ADGRB3: variants seen among roughly 807,000 people sequenced by gnomAD.
ADGRB3 encodes the protein brain-specific angiogenesis inhibitor 3.
In ADGRB3, 37 loss-of-function variants were observed where a neutral mutation model predicts 193.4. The observed-to-expected ratio is 0.19, with a 90% CI of 0.15 to 0.25. The LOEUF is 0.25. Ranked by LOEUF, ADGRB3 falls within the 10% of genes least tolerant of loss-of-function variation. The pLI, the probability that ADGRB3 is intolerant of heterozygous loss-of-function variation, is 1.00. For missense variants in ADGRB3, 1,637 were observed against 1,852.9 expected, an observed-to-expected ratio of 0.88 and a Z score of 2.14; for synonymous variants, 690 against 644.2, an observed-to-expected ratio of 1.07 and a Z score of -1.08.
At chr6:68,843,106 T>A (rs1312359603) in intron 3 of ADGRB3, among the ~76,000 whole-genome samples, 1 of 150,906 alleles carries the variant, frequency 6.6e-6, no homozygotes, top group Non-Finnish European at 1.5e-5. Context: ...AAGCCTTTCC[T>A]CTAAGATCTG....
At chr6:69,254,181 T>C (rs1478236153) in intron 20 of ADGRB3, among the ~76,000 whole-genome samples, 9 of 152,244 alleles carry the variant, frequency 5.9e-5, no homozygotes, top group Admixed American at 5.9e-4. Context: ...AAACCATTTA[T>C]GTTTAAATTT....
chr6:68,825,190 AT>A (rs35683538), intron 3 of ADGRB3, among the ~76,000 whole-genome samples: 4 of 150,624 alleles, frequency 2.7e-5, no homozygotes, highest in East Asian at 1.9e-4. Flanking sequence ...TTATGCTTTA[AT>A]TTTTTTTTCG....
intron 17 of ADGRB3, among the ~76,000 whole-genome samples, chr6:69,134,597 T>C (rs983506553): frequency 6.6e-6 from 1 of 151,996 alleles, no homozygotes; most frequent in Admixed American, 6.6e-5. Flanking sequence ...TACAAGAAAT[T>C]GAAAGGATGG....
chr6:69,244,549 C>G (rs929340547), intron 20 of ADGRB3, among the ~76,000 whole-genome samples: 10 of 152,174 alleles, frequency 6.6e-5, no homozygotes, highest in African/African-American at 1.9e-4. Flanking sequence ...AAATATTGAA[C>G]ATGTATTTAC....
At chr6:68,721,760 A>G (rs1404237148) in intron 3 of ADGRB3, among the ~76,000 whole-genome samples, 1 of 150,168 alleles carries the variant, frequency 6.7e-6, no homozygotes, top group Non-Finnish European at 1.5e-5. Flanking sequence ...GGAAAGCTCT[A>G]CTTTAAATGG....
intron 29 of ADGRB3, among the ~76,000 whole-genome samples, chr6:69,369,958 A>G (rs2127338966): frequency 6.6e-6 from 1 of 152,214 alleles, no homozygotes; most frequent in Non-Finnish European, 1.5e-5. Flanking sequence ...TGACTGGCTC[A>G]TCTATTGTTA....
intron 3 of ADGRB3, among the ~76,000 whole-genome samples, chr6:68,661,465 G>GTA (rs1399607486): frequency 8.6e-6 from 1 of 116,034 alleles, no homozygotes; most frequent in Non-Finnish European, 1.8e-5. Flanking sequence ...ATATATGTGT[G>GTA]TATATATATG....
At chr6:68,870,343 G>C (rs1765422799) in intron 3 of ADGRB3, among the ~76,000 whole-genome samples, 1 of 152,130 alleles carries the variant, frequency 6.6e-6, no homozygotes, top group Non-Finnish European at 1.5e-5. Context: ...GGACTATTTA[G>C]TATTTTAATC....
chr6:68,918,963 T>C (rs146887901), intron 3 of ADGRB3, among the ~76,000 whole-genome samples: 2,032 of 152,222 alleles, frequency 0.013, 65 homozygotes, highest in African/African-American at 0.046. Context: ...CCTTCCACAA[T>C]GAATTTTTCA....
intron 3 of ADGRB3, among the ~76,000 whole-genome samples, chr6:68,842,101 A>C (rs1033585639): frequency 1.3e-5 from 2 of 152,064 alleles, no homozygotes; most frequent in African/African-American, 4.8e-5. Flanking sequence ...CATACATTCC[A>C]TGCCTATATC....
At chr6:68,697,066 G>A (rs1045849055) in intron 3 of ADGRB3, among the ~76,000 whole-genome samples, 2 of 151,962 alleles carry the variant, frequency 1.3e-5, no homozygotes, top group African/African-American at 2.4e-5. Flanking sequence ...GGAACTGTGT[G>A]TTGGATGGAT....
chr6:69,317,526 C>G (rs766030669), intron 20 of ADGRB3, among the ~76,000 whole-genome samples: 13 of 151,416 alleles, frequency 8.6e-5, no homozygotes, highest in Non-Finnish European at 1.5e-4. Flanking sequence ...TTCAACCAAC[C>G]ATTCTTTTTC....
chr6:68,902,979 T>C (rs1766439725), intron 3 of ADGRB3, among the ~76,000 whole-genome samples: 2 of 152,182 alleles, frequency 1.3e-5, no homozygotes, highest in Non-Finnish European at 2.9e-5. Flanking sequence ...CACCTGTTTT[T>C]GTATGTATGA....
At chr6:69,146,992 G>A (rs148225212) in intron 17 of ADGRB3, among the ~76,000 whole-genome samples, 2 of 151,860 alleles carry the variant, frequency 1.3e-5, no homozygotes, top group African/African-American at 4.8e-5. Flanking sequence ...CTGCTTATCA[G>A]TGGTAATGTC....
At chr6:69,292,797 C>T (rs1039565289) in intron 20 of ADGRB3, among the ~76,000 whole-genome samples, 2 of 152,030 alleles carry the variant, frequency 1.3e-5, no homozygotes, top group African/African-American at 4.8e-5. Flanking sequence ...TATACATGTG[C>T]CATGCTGGTG....
intron 17 of ADGRB3, among the ~76,000 whole-genome samples, chr6:69,100,922 GA>G (rs1773029831): frequency 8.2e-5 from 4 of 49,038 alleles, no homozygotes; most frequent in African/African-American, 1.7e-4. Flanking sequence ...GGGAAGGAAG[GA>G]AGGAGGGAGG....
chr6:68,676,528 A>G (rs1769096613), intron 3 of ADGRB3, among the ~76,000 whole-genome samples: 1 of 152,184 alleles, frequency 6.6e-6, no homozygotes. Context: ...TGCAATAACG[A>G]CATTGCAATG....
At chr6:68,945,220 A>G (rs1767743069) in intron 6 of ADGRB3, among the ~76,000 whole-genome samples, 1 of 152,172 alleles carries the variant, frequency 6.6e-6, no homozygotes, top group Non-Finnish European at 1.5e-5. Flanking sequence ...GATGAAGGCA[A>G]ATAATTATAA....
intron 21 of ADGRB3, among the ~76,000 whole-genome samples, chr6:69,327,203 T>A (rs1768593404): frequency 6.6e-6 from 1 of 152,092 alleles, no homozygotes; most frequent in African/African-American, 2.4e-5. Context: ...ACAGGGGGGT[T>A]CTATTGAACT....
Sources: allele counts gnomAD v4.1 joint callset (sites outside exome capture counted in the v4.1 genomes callset), GRCh38; gene constraint gnomAD v4.1.1; transcripts MANE v1.5; gene names NCBI Gene and HGNC (gene_info 2026-07-23, HGNC 2026-07-21).